The following KIAA2012 variants were observed in gnomAD, a reference collection of about 807,000 sequenced individuals.
KIAA2012 encodes the protein uncharacterized protein KIAA2012.
A neutral mutation model predicts 150.6 loss-of-function variants in KIAA2012; 125 were observed. The observed-to-expected ratio is 0.83, with a 90% CI of 0.72 to 0.96. The LOEUF (loss-of-function observed/expected upper bound fraction) is 0.96, where lower values mean the gene tolerates loss of function less well. KIAA2012 is among the 40% of genes least tolerant of loss of function. KIAA2012 has a pLI of 0.00. For synonymous variants in KIAA2012, 462 were observed against 504.7 expected, an observed-to-expected ratio of 0.92 and a Z score of 1.13; for missense variants, 1,219 against 1,354.9, an observed-to-expected ratio of 0.90 and a Z score of 1.57.
Position 202,194,227 on chromosome 2 carries a change from CAGG to C in KIAA2012, c.3064_3066del (p.Glu1022del), listed in dbSNP as rs536107577. ...GAGACTCCAAGAAGAACAGCAGCGG[CAGG>C]AGGAGGAGGAGAGAAAGCAGCAGCT... On this transcript the variant is annotated inframe_deletion, in exon 21 of 24. Coordinates refer to ENST00000498697, the MANE Select transcript of KIAA2012 (RefSeq NM_001277372.4). 639 of 1,549,420 alleles carry C rather than the reference CAGG, an allele frequency of 4.1e-4. 1 individual carries two copies. The highest frequency in any genetic ancestry group is 1.3e-4 in the Non-Finnish European group (147 of 1,146,348).
At chr2:202,122,527 T>A (rs1401286152) in intron 11 of KIAA2012, among the ~76,000 whole-genome samples, 1 of 150,568 alleles carries the variant, frequency 6.6e-6, no homozygotes, top group Non-Finnish European at 1.5e-5. Flanking sequence ...GGAGACTGAG[T>A]TTCATTCTTG....
At chr2:202,087,955 C>A (rs7577820) in intron 2 of KIAA2012, among the ~76,000 whole-genome samples, 18,070 of 150,504 alleles carry the variant, frequency 0.12, 1,262 homozygotes, top group African/African-American at 0.18. Context: ...ATTCAACCAA[C>A]CAGGGATGGA....
intron 9 of KIAA2012, among the ~76,000 whole-genome samples, chr2:202,106,219 G>A (rs539198567): frequency 7.2e-5 from 11 of 152,076 alleles, no homozygotes; most frequent in African/African-American, 2.4e-4. Flanking sequence ...ACAGTGTCCA[G>A]CTCACCAATT....
At chr2:202,204,454 TA>T (rs1487076579) in intron 23 of KIAA2012, among the ~76,000 whole-genome samples, 2 of 152,228 alleles carry the variant, frequency 1.3e-5, no homozygotes, top group Non-Finnish European at 2.9e-5. Flanking sequence ...TGAAGAAAGA[TA>T]TTTTTAGCAT....
At chr2:202,097,881 A>G (rs1689933915) in intron 5 of KIAA2012, among the ~76,000 whole-genome samples, 1 of 152,064 alleles carries the variant, frequency 6.6e-6, no homozygotes, top group South Asian at 2.1e-4. Flanking sequence ...TGAGCCACCG[A>G]GCCTAGCCAG....
At chr2:202,196,751 T>C in intron 21 of KIAA2012, 49 bp from the exon 22 acceptor site, 2 of 1,511,264 alleles carry the variant, frequency 1.3e-6, no homozygotes, top group Non-Finnish European at 1.8e-6. Flanking sequence ...GAAAATTGTT[T>C]TCCCTAAAAA....
chr2:202,150,016 T>C (rs1691389142), intron 13 of KIAA2012, among the ~76,000 whole-genome samples: 1 of 152,218 alleles, frequency 6.6e-6, no homozygotes, highest in Admixed American at 6.5e-5. Flanking sequence ...GTCTAGATAT[T>C]TGTACGGAAC....
intron 14 of KIAA2012, among the ~76,000 whole-genome samples, chr2:202,160,526 C>G (rs10183608): frequency 0.65 from 98,155 of 151,768 alleles, 32,400 homozygotes; most frequent in African/African-American, 0.79. Context: ...TGTTAGCCAG[C>G]ATGGTCTCGA....
chr2:202,159,416 A>G (rs963216140), intron 14 of KIAA2012, among the ~76,000 whole-genome samples: 2 of 151,996 alleles, frequency 1.3e-5, no homozygotes, highest in African/African-American at 4.8e-5. Context: ...TAATATTATC[A>G]ATATTAAAGT....
At chr2:202,123,784 T>G (rs984031744) in intron 11 of KIAA2012, among the ~76,000 whole-genome samples, 3 of 152,092 alleles carry the variant, frequency 2.0e-5, no homozygotes, top group African/African-American at 7.2e-5. Context: ...CTAGGATTCC[T>G]TTTTTTCTTC....
intron 9 of KIAA2012, among the ~76,000 whole-genome samples, 186 bp from the exon 10 acceptor site, chr2:202,109,427 T>A (rs1402395629): frequency 2.6e-5 from 4 of 152,258 alleles, no homozygotes; most frequent in Non-Finnish European, 5.9e-5. Context: ...GGGACAAACC[T>A]GAGAATGAGT....
intron 2 of KIAA2012, among the ~76,000 whole-genome samples, chr2:202,080,080 G>A (rs577693657): frequency 6.6e-6 from 1 of 152,182 alleles, no homozygotes; most frequent in South Asian, 2.1e-4. Context: ...AGCTAGAATT[G>A]GAGACCAACA....
At chr2:202,115,471 C>T (rs934802772) in intron 11 of KIAA2012, 3 of 152,292 alleles carry the variant, frequency 2.0e-5, no homozygotes, top group Non-Finnish European at 4.4e-5. Flanking sequence ...TTCATCTTTT[C>T]TGGAACATTT....
chr2:202,140,057 G>A (rs1427268028), intron 13 of KIAA2012, among the ~76,000 whole-genome samples: 8 of 152,014 alleles, frequency 5.3e-5, no homozygotes, highest in East Asian at 1.9e-4. Context: ...GTGAAACCCC[G>A]TCTCTACTAA....
chr2:202,166,405 C>A (rs75058214), intron 15 of KIAA2012, among the ~76,000 whole-genome samples: 6,912 of 152,202 alleles, frequency 0.045, 543 homozygotes, highest in African/African-American at 0.16. Context: ...GTAATCCCAA[C>A]ATTTTGGGAG....
chr2:202,109,016 G>C (rs1452015334), intron 9 of KIAA2012, among the ~76,000 whole-genome samples: 1 of 152,166 alleles, frequency 6.6e-6, no homozygotes, highest in South Asian at 2.1e-4. Context: ...CAGAGTGTAG[G>C]GTATGCTCTA....
chr2:202,142,928 A>G lies in KIAA2012; in HGVS notation c.1908+4420A>G, dbSNP rs151173154. Among the ~76,000 whole-genome samples the G allele has an allele frequency of 3.0e-4, 45 of 151,232 alleles. No individual in the cohort carries two copies. The East Asian group carries it at 8.5e-3, about 29-fold the overall frequency. ...GACCAGATAGTCTTTGTTGTGGGGA[A>G]CTTTCCTGTTGATTGCAGGATGTTA... On this transcript the variant is annotated intron_variant, in intron 13 of 23. Transcript: ENST00000498697.
intron 15 of KIAA2012, among the ~76,000 whole-genome samples, chr2:202,168,747 C>T (rs1691825305): frequency 6.6e-6 from 1 of 152,112 alleles, no homozygotes; most frequent in African/African-American, 2.4e-5. Flanking sequence ...CATGACAGAA[C>T]TGCTTTAAGA....
chr2:202,141,941 C>G (rs1288146251), intron 13 of KIAA2012, among the ~76,000 whole-genome samples: 1 of 150,788 alleles, frequency 6.6e-6, no homozygotes, highest in Non-Finnish European at 1.5e-5. Flanking sequence ...GGAAGTAAAA[C>G]TAGAAAAAAA....
Sources: allele counts gnomAD v4.1 joint callset (sites outside exome capture counted in the v4.1 genomes callset), GRCh38; gene constraint gnomAD v4.1.1; transcripts MANE v1.5; gene names NCBI Gene and HGNC (gene_info 2026-07-23, HGNC 2026-07-21).